Variants in GABBR2 observed in about 807,000 individuals in gnomAD.
GABBR2 encodes the protein G-protein coupled receptor 51.
Under a neutral mutation model 105.6 loss-of-function variants are expected in GABBR2, and 23 were observed. The observed-to-expected ratio is 0.22, with a 90% CI of 0.16 to 0.31. GABBR2 has a LOEUF of 0.31. Ranked by LOEUF, GABBR2 falls within the 10% of genes least tolerant of loss-of-function variation. The probability of loss-of-function intolerance (pLI) is 1.00; values close to 1 mark genes in which losing one functional copy is unlikely to be tolerated. For missense variants in GABBR2, 734 were observed against 1,245.5 expected (o/e 0.59, Z 6.18); for synonymous variants, 478 against 499.7 (o/e 0.96, Z 0.58).
intron 2 of GABBR2, among the ~76,000 whole-genome samples, chr9:98,571,996 C>G (rs1038086798): frequency 1.3e-5 from 2 of 152,234 alleles, no homozygotes; most frequent in African/African-American, 4.8e-5. Flanking sequence ...ACACCCTCAG[C>G]TCTCCAATGT....
chr9:98,443,510 G>A (rs1256715431), intron 7 of GABBR2, among the ~76,000 whole-genome samples: 1 of 152,142 alleles, frequency 6.6e-6, no homozygotes, highest in Non-Finnish European at 1.5e-5. Context: ...AGGGGGAAGG[G>A]CAGCCAAGCA....
intron 3 of GABBR2, among the ~76,000 whole-genome samples, chr9:98,497,625 T>C (rs1331939316): frequency 6.6e-6 from 1 of 152,194 alleles, no homozygotes; most frequent in East Asian, 1.9e-4. Flanking sequence ...CAATCTCTCG[T>C]GTGATTCTTC....
At chr9:98,311,732 C>G (rs558784485) in intron 13 of GABBR2, among the ~76,000 whole-genome samples, 1 of 152,334 alleles carries the variant, frequency 6.6e-6, no homozygotes, top group East Asian at 1.9e-4. Context: ...AGGTTGTGTA[C>G]CACATGACTC....
chr9:98,592,207 G>A (rs368825587), intron 1 of GABBR2, among the ~76,000 whole-genome samples: 4 of 152,196 alleles, frequency 2.6e-5, no homozygotes, highest in African/African-American at 4.8e-5. Flanking sequence ...GACACAAAGT[G>A]CAACTTACTA....
At position 98,388,674 on chromosome 9, in the gene GABBR2, C is replaced by T. The variant is rs1348831800; in HGVS notation, c.1529+180G>A. 6.6e-6 allele frequency among the ~76,000 whole-genome samples: 1 copy of T among 150,684 alleles called. No individual in the cohort carries two copies. Among genetic ancestry groups the T allele is most frequent in the African/African-American group, 2.5e-5 (1 of 40,244 alleles). On this transcript the variant is annotated intron_variant, in intron 10 of 18. Transcript: ENST00000259455. This position sits in a 1 kb window ranked among gnomAD's most constrained non-coding sequence, Gnocchi z 4.4. The stretch of plus-strand genomic sequence containing the variant: ...GTGTGTGTGTGTGCGTGCACGCACA[C>T]ACACGTACTCACATGCATGTAACAC...
At chr9:98,312,551 C>CTACTT (rs971761653) in intron 13 of GABBR2, among the ~76,000 whole-genome samples, 1 of 152,176 alleles carries the variant, frequency 6.6e-6, no homozygotes, top group African/African-American at 2.4e-5. Context: ...TCTGTGGGAG[C>CTACTT]TACTTTGAGA....
intron 2 of GABBR2, chr9:98,555,614 G>A (rs28546491): frequency 0.077 from 11,710 of 152,090 alleles, 921 homozygotes; most frequent in African/African-American, 0.2. Context: ...AAGTGTTCTC[G>A]TGTGATCACA....
chr9:98,349,084 T>C (rs924393381), intron 13 of GABBR2, among the ~76,000 whole-genome samples: 1 of 150,824 alleles, frequency 6.6e-6, no homozygotes, highest in Non-Finnish European at 1.5e-5. Flanking sequence ...GCCTTTAGTA[T>C]GTTGAAATAT....
intron 2 of GABBR2, among the ~76,000 whole-genome samples, chr9:98,552,630 C>A (rs1242564756): frequency 6.6e-6 from 1 of 152,166 alleles, no homozygotes; most frequent in East Asian, 1.9e-4. Context: ...AAGCATTTCC[C>A]AAGTTAACAA....
chr9:98,343,579 G>T (rs1831250914), intron 13 of GABBR2, among the ~76,000 whole-genome samples: 1 of 152,160 alleles, frequency 6.6e-6, no homozygotes, highest in African/African-American at 2.4e-5. Flanking sequence ...AAGAATCCTG[G>T]CCGGGCGCGG....
At chr9:98,648,108 T>TAGATAGATAGATA (rs1177577717) in intron 1 of GABBR2, among the ~76,000 whole-genome samples, 10 of 71,716 alleles carry the variant, frequency 1.4e-4, no homozygotes, top group African/African-American at 5.6e-4. Context: ...TGTGTGTGTG[T>TAGATAGATAGATA]GTGTGTGTAT....
At chr9:98,320,199 T>C (rs994555432) in intron 13 of GABBR2, among the ~76,000 whole-genome samples, 7 of 151,930 alleles carry the variant, frequency 4.6e-5, no homozygotes, top group African/African-American at 1.7e-4. Context: ...AAAGAAGACA[T>C]TTGTGCAGCC....
intron 4 of GABBR2, among the ~76,000 whole-genome samples, chr9:98,482,155 G>C (rs1362750277): frequency 3.9e-5 from 6 of 152,244 alleles, no homozygotes; most frequent in Admixed American, 6.5e-5. Flanking sequence ...CCCTCCAGCA[G>C]GCCTCATGGC....
intron 1 of GABBR2, among the ~76,000 whole-genome samples, chr9:98,685,042 A>G (rs1316242661): frequency 6.6e-6 from 1 of 152,212 alleles, no homozygotes; most frequent in Non-Finnish European, 1.5e-5. Context: ...TGAGTCAGTG[A>G]ACTAGGAGAT....
intron 11 of GABBR2, among the ~76,000 whole-genome samples, chr9:98,374,230 G>A (rs1831833905): frequency 6.6e-6 from 1 of 152,152 alleles, no homozygotes; most frequent in South Asian, 2.1e-4. Context: ...CAGGCCACTT[G>A]TCTATTTTGT....
At chr9:98,370,011 G>A (rs1831750246) in intron 12 of GABBR2, among the ~76,000 whole-genome samples, 1 of 152,106 alleles carries the variant, frequency 6.6e-6, no homozygotes, top group African/African-American at 2.4e-5. Flanking sequence ...CTGTGGACTG[G>A]TGTCCGACTC....
intron 2 of GABBR2, among the ~76,000 whole-genome samples, chr9:98,577,682 G>A (rs1828939551): frequency 1.3e-5 from 2 of 152,326 alleles, no homozygotes; most frequent in Admixed American, 1.3e-4. Context: ...TGAAAGCTGG[G>A]CTAGGGAGTC....
intron 7 of GABBR2, among the ~76,000 whole-genome samples, chr9:98,417,492 G>A (rs1242382299): frequency 1.3e-5 from 2 of 152,204 alleles, no homozygotes; most frequent in Admixed American, 6.5e-5. Context: ...GGGGCTTACA[G>A]TGAGTAGTTC....
chr9:98,553,162 G>A (rs1828522068), intron 2 of GABBR2, among the ~76,000 whole-genome samples: 1 of 152,078 alleles, frequency 6.6e-6, no homozygotes, highest in Non-Finnish European at 1.5e-5. Context: ...GGGATTATAA[G>A]TGTGAGCCAC....
Sources: allele counts gnomAD v4.1 joint callset (sites outside exome capture counted in the v4.1 genomes callset), GRCh38; gene constraint gnomAD v4.1.1; non-coding constraint Gnocchi (gnomAD v3.1); transcripts MANE v1.5; gene names NCBI Gene and HGNC (gene_info 2026-07-23, HGNC 2026-07-21).